The following SORCS2 variants were observed in gnomAD, a reference collection of about 807,000 sequenced individuals.
SORCS2 encodes sortilin related VPS10 domain containing receptor 2.
Under a neutral mutation model 141.6 loss-of-function variants are expected in SORCS2, and 100 were observed. The ratio of observed to expected loss-of-function variants is 0.71; its 90% CI spans 0.60 to 0.83. The LOEUF is 0.83. Ranked by LOEUF, SORCS2 falls within the 40% of genes least tolerant of loss-of-function variation. SORCS2 has a pLI of 0.00. For synonymous variants in SORCS2, 789 were observed against 676.9 expected, an observed-to-expected ratio of 1.17 and a Z score of -2.57; for missense variants, 1,646 against 1,560.2, an observed-to-expected ratio of 1.05 and a Z score of -0.93.
At chr4:7,382,134 G>T (rs558403755) in intron 1 of SORCS2, 215 of 306,440 alleles carry the variant, frequency 7.0e-4, no homozygotes, top group African/African-American at 4.5e-3. Context: ...GAGCGGGGAG[G>T]CATTTTGGGT....
intron 1 of SORCS2, among the ~76,000 whole-genome samples, chr4:7,320,372 A>G (rs529226048): frequency 9.2e-5 from 14 of 152,326 alleles, no homozygotes; most frequent in Admixed American, 2.6e-4. Flanking sequence ...ATGATGGACA[A>G]TGGATCCCCA....
chr4:7,265,186 G>A (rs1223628618), intron 1 of SORCS2, among the ~76,000 whole-genome samples: 1 of 152,322 alleles, frequency 6.6e-6, no homozygotes, highest in African/African-American at 2.4e-5. Context: ...AGTCCTGGAG[G>A]CTGGAAGTCA....
chr4:7,479,528 C>G (rs1367143415), intron 2 of SORCS2, among the ~76,000 whole-genome samples: 1 of 152,250 alleles, frequency 6.6e-6, no homozygotes, highest in Non-Finnish European at 1.5e-5. Context: ...AGGCATTAGC[C>G]CCTTCTGCAC....
chr4:7,635,963 G>A (rs958867215), intron 3 of SORCS2, among the ~76,000 whole-genome samples: 3 of 152,158 alleles, frequency 2.0e-5, no homozygotes, highest in African/African-American at 7.2e-5. Flanking sequence ...TCACTTAAAC[G>A]CAGGCACTCC....
chr4:7,308,230 T>C (rs181394234), intron 1 of SORCS2, among the ~76,000 whole-genome samples: 1 of 152,284 alleles, frequency 6.6e-6, no homozygotes, highest in African/African-American at 2.4e-5. Context: ...TGTTTTCCAC[T>C]CCAGGATGGA....
chr4:7,305,297 C>G (rs553330861), intron 1 of SORCS2, among the ~76,000 whole-genome samples: 2 of 151,856 alleles, frequency 1.3e-5, no homozygotes, highest in East Asian at 3.9e-4. Flanking sequence ...TCCCAAAGTG[C>G]TGGGATCACA....
At chr4:7,452,407 G>C (rs1245870595) in intron 2 of SORCS2, among the ~76,000 whole-genome samples, 1 of 152,208 alleles carries the variant, frequency 6.6e-6, no homozygotes, top group Non-Finnish European at 1.5e-5. Context: ...CTCCCAAAGT[G>C]CTGGGATTAC....
intron 2 of SORCS2, among the ~76,000 whole-genome samples, chr4:7,483,322 C>CAAAAAA (rs34942012): frequency 2.6e-5 from 2 of 75,790 alleles, no homozygotes; most frequent in African/African-American, 4.8e-5. Context: ...GACTCCATCT[C>CAAAAAA]AAAAAAAAAA....
At chr4:7,455,617 T>A (rs1437357822) in intron 2 of SORCS2, among the ~76,000 whole-genome samples, 9 of 141,296 alleles carry the variant, frequency 6.4e-5, no homozygotes, top group African/African-American at 8.0e-5. Flanking sequence ...GGGGTCAGGC[T>A]CTGTGTTGGG....
At chr4:7,632,543 G>C (rs922514061) in intron 3 of SORCS2, among the ~76,000 whole-genome samples, 2 of 152,162 alleles carry the variant, frequency 1.3e-5, no homozygotes, top group African/African-American at 2.4e-5. Flanking sequence ...CCCCGGCCCA[G>C]ATTGCTGGGC....
chr4:7,506,542 A>T, intron 2 of SORCS2, among the ~76,000 whole-genome samples: 1 of 152,088 alleles, frequency 6.6e-6, no homozygotes, highest in East Asian at 1.9e-4. Flanking sequence ...CTACTCTGCT[A>T]GGGAAGCAAG....
intron 3 of SORCS2, among the ~76,000 whole-genome samples, chr4:7,546,582 A>G (rs6823167): frequency 0.97 from 147,927 of 152,254 alleles, 72,005 homozygotes; most frequent in East Asian, 1. Context: ...CAGCTGAGGG[A>G]ACCCACGTGT....
At chr4:7,675,923 T>C in intron 8 of SORCS2, 127 bp from the exon 9 acceptor site, 1 of 1,100,184 alleles carries the variant, frequency 9.1e-7, no homozygotes, top group Non-Finnish European at 1.3e-6. Context: ...GAGGCAAACC[T>C]AGGCCAGGCT....
intron 11 of SORCS2, among the ~76,000 whole-genome samples, chr4:7,694,808 A>T (rs1200328553): frequency 6.6e-6 from 1 of 151,980 alleles, no homozygotes; most frequent in Non-Finnish European, 1.5e-5. Flanking sequence ...TCTGTCTTGC[A>T]CCTGCCCGGG....
intron 2 of SORCS2, among the ~76,000 whole-genome samples, chr4:7,427,799 G>A (rs2109212460): frequency 6.6e-6 from 1 of 152,130 alleles, no homozygotes; most frequent in Non-Finnish European, 1.5e-5. Flanking sequence ...GGATGGCACG[G>A]AGAGCCTTTC....
At chr4:7,379,375 G>A (rs1722847583) in intron 1 of SORCS2, among the ~76,000 whole-genome samples, 1 of 152,190 alleles carries the variant, frequency 6.6e-6, no homozygotes, top group African/African-American at 2.4e-5. Flanking sequence ...ACCAGGCAGA[G>A]CTGGGGTGGA....
At chr4:7,691,481 C>T (rs1259766631) in intron 11 of SORCS2, among the ~76,000 whole-genome samples, 1 of 152,122 alleles carries the variant, frequency 6.6e-6, no homozygotes, top group Admixed American at 6.5e-5. Flanking sequence ...GTCTGGGGAG[C>T]TTGGAGCTTT....
At chr4:7,710,176 C>A (rs1418036528) in intron 14 of SORCS2, among the ~76,000 whole-genome samples, 1 of 152,134 alleles carries the variant, frequency 6.6e-6, no homozygotes, top group African/African-American at 2.4e-5. Context: ...ACCAATGGAG[C>A]CCCAGTGTCA....
At chr4:7,566,703 G>T (rs1715044455) in intron 3 of SORCS2, among the ~76,000 whole-genome samples, 1 of 152,262 alleles carries the variant, frequency 6.6e-6, no homozygotes. Context: ...GAAGTGACGT[G>T]CATTGCTCTT....
Sources: gnomAD v4.1 joint callset for allele counts (sites outside exome capture counted in the v4.1 genomes callset) on GRCh38, gnomAD v4.1.1 for gene constraint, MANE v1.5 for transcripts, NCBI Gene and HGNC (gene_info 2026-07-23, HGNC 2026-07-21) for gene names.